Variants in GLI2 observed in about 807,000 individuals in gnomAD.
GLI2 encodes GLI family zinc finger 2, also known as transcription activator GLI2.
Under a neutral mutation model 78.9 loss-of-function variants are expected in GLI2, and 22 were observed. The ratio of observed to expected loss-of-function variants is 0.28; its 90% CI spans 0.20 to 0.40. The LOEUF (loss-of-function observed/expected upper bound fraction) is 0.40, where lower values mean the gene tolerates loss of function less well. GLI2 is among the 10% of genes least tolerant of loss of function. The pLI is 1.00. For missense variants in GLI2, 2,097 were observed against 2,213.2 expected (o/e 0.95, Z 1.05); for synonymous variants, 974 against 963.7 (o/e 1.01, Z -0.20).
intron 2 of GLI2, among the ~76,000 whole-genome samples, chr2:120,848,151 T>C (rs1687212651): frequency 6.6e-6 from 1 of 152,214 alleles, no homozygotes; most frequent in Non-Finnish European, 1.5e-5. Context: ...GAGCAAGCAC[T>C]TTGAATGCCT....
chr2:120,792,726 G>A (rs28637751), intron 1 of GLI2, among the ~76,000 whole-genome samples: 3,189 of 152,250 alleles, frequency 0.021, 88 homozygotes, highest in African/African-American at 0.069. Context: ...AGGTCCAAGC[G>A]ATTCCCCTGC....
At chr2:120,947,058 T>C (rs11890046) in intron 3 of GLI2, among the ~76,000 whole-genome samples, 20,115 of 152,204 alleles carry the variant, frequency 0.13, 4,273 homozygotes, top group African/African-American at 0.45. Context: ...TGTGATGACC[T>C]GGTAGGGGTG....
intron 2 of GLI2, among the ~76,000 whole-genome samples, chr2:120,830,137 G>T (rs1189286604): frequency 6.6e-6 from 1 of 152,222 alleles, no homozygotes; most frequent in Non-Finnish European, 1.5e-5. Context: ...AAGACCCTGG[G>T]CCCGCTCTGC....
At chr2:120,772,660 C>T (rs928171581) in intron 1 of GLI2, among the ~76,000 whole-genome samples, 1 of 152,248 alleles carries the variant, frequency 6.6e-6, no homozygotes, top group Non-Finnish European at 1.5e-5. Context: ...TGAATATCTT[C>T]TGCTGTGGAC....
rs114899129 is a variant in GLI2, at chr2:120,850,643, C to T, written c.148+53175C>T. On this transcript the variant is annotated intron_variant, in intron 2 of 13. Coordinates refer to ENST00000361492, the MANE Select transcript of GLI2 (RefSeq NM_001374353.1). ...CCCCAAGAAGGGAATGATAGCAAGG[C>T]CGGGGCTGTGCAGCTGCCCCCTCTC... 2.1e-3 allele frequency among the ~76,000 whole-genome samples: 326 copies of T among 152,306 alleles called. 1 individual carries two copies. The highest frequency in any genetic ancestry group is 7.6e-3 in the African/African-American group (317 of 41,568).
chr2:120,871,844 T>G (rs1303632796), intron 2 of GLI2, among the ~76,000 whole-genome samples: 12 of 152,328 alleles, frequency 7.9e-5, no homozygotes, highest in Non-Finnish European at 1.5e-5. Context: ...TCAATATTAT[T>G]GCAAATTAGG....
At position 120,984,488 on chromosome 2, in the gene GLI2, G is replaced by A. The variant is rs753790877; in HGVS notation, c.1650G>A (p.Lys550=). 5 of 1,614,040 alleles carry A rather than the reference G, an allele frequency of 3.1e-6. No homozygotes were observed. In the Admixed American group the frequency reaches 5.0e-5, roughly 16 times the overall value. ...CTCCCCAGAAACCCTACATCTGCAA[G>A]ATCCCAGGCTGCACCAAGAGATACA... ...THSNEKPYIC[K]IPGCTKRYTD... Residue 550 remains lysine (K), a synonymous_variant, in exon 12 of 14, where the codon AAG becomes AAA. Transcript: ENST00000361492.
intron 3 of GLI2, among the ~76,000 whole-genome samples, chr2:120,941,728 A>G (rs1680456536): frequency 6.6e-6 from 1 of 152,170 alleles, no homozygotes; most frequent in Admixed American, 6.5e-5. Flanking sequence ...TCCACTCTGG[A>G]GCTCCGTGGA....
At chr2:120,862,492 G>T (rs1573498144) in intron 2 of GLI2, among the ~76,000 whole-genome samples, 1 of 152,258 alleles carries the variant, frequency 6.6e-6, no homozygotes. Flanking sequence ...TTCCTTATCT[G>T]TAAAACATGC....
At position 120,737,145 on chromosome 2, in the gene GLI2, T is replaced by C. The variant is rs568735021; in HGVS notation, c.-31+860T>C. On this transcript the variant is annotated intron_variant, in intron 1 of 13. Coordinates refer to ENST00000361492, the MANE Select transcript of GLI2 (RefSeq NM_001374353.1). The surrounding 1 kb of genome is among the most constrained non-coding windows in gnomAD (Gnocchi z 4.3). ...AGGCGCGGAGAGAGTTGGGCGCCAA[T>C]CCTATTAAGGGTTTAGAGAGGGGAG... 9.5e-3 allele frequency among the ~76,000 whole-genome samples: 1,447 copies of C among 152,118 alleles called. 12 individuals are homozygous for C. The highest frequency in any genetic ancestry group is 0.014 in the Non-Finnish European group (973 of 67,966).
chr2:120,875,685 G>C (rs985239678), intron 2 of GLI2, among the ~76,000 whole-genome samples: 1 of 152,076 alleles, frequency 6.6e-6, no homozygotes, highest in Non-Finnish European at 1.5e-5. Context: ...AATTCTGGGC[G>C]GTCAGGCACG....
At chr2:120,925,379 C>T (rs927084204) in intron 2 of GLI2, among the ~76,000 whole-genome samples, 6 of 152,300 alleles carry the variant, frequency 3.9e-5, no homozygotes, top group Admixed American at 3.9e-4. Flanking sequence ...AGAAAAATTT[C>T]TTCCCATTAA....
At chr2:120,939,457 G>A (rs1280869143) in intron 3 of GLI2, among the ~76,000 whole-genome samples, 3 of 152,162 alleles carry the variant, frequency 2.0e-5, no homozygotes, top group African/African-American at 7.2e-5. Flanking sequence ...GGGATTCAGA[G>A]TTTATCACCC....
At chr2:120,764,713 A>G (rs1683316498) in intron 1 of GLI2, among the ~76,000 whole-genome samples, 1 of 152,252 alleles carries the variant, frequency 6.6e-6, no homozygotes, top group Admixed American at 6.5e-5. Flanking sequence ...TGGTTTTTCC[A>G]GATGTTAAAA....
At chr2:120,903,927 G>A (rs1189253148) in intron 2 of GLI2, among the ~76,000 whole-genome samples, 1 of 152,178 alleles carries the variant, frequency 6.6e-6, no homozygotes, top group Non-Finnish European at 1.5e-5. Context: ...AAGAAACTCA[G>A]GGGTTCATTG....
intron 2 of GLI2, among the ~76,000 whole-genome samples, chr2:120,841,885 G>GTA (rs1419474854): frequency 6.6e-6 from 1 of 151,782 alleles, no homozygotes; most frequent in East Asian, 1.9e-4. Flanking sequence ...GTGTGTGTGT[G>GTA]TGTGATGCTG....
chr2:120,891,538 T>C (rs1407266792), intron 2 of GLI2, among the ~76,000 whole-genome samples: 1 of 152,140 alleles, frequency 6.6e-6, no homozygotes, highest in Non-Finnish European at 1.5e-5. Context: ...CACAAATAGA[T>C]GAACGGGCGT....
intron 2 of GLI2, among the ~76,000 whole-genome samples, chr2:120,917,036 G>T (rs999580736): frequency 1.3e-5 from 2 of 152,156 alleles, no homozygotes; most frequent in Admixed American, 6.5e-5. Flanking sequence ...CTTGCTCCAT[G>T]GGATTTGTGA....
chr2:120,818,248 A>G (rs1044302565), intron 2 of GLI2, among the ~76,000 whole-genome samples: 5 of 152,198 alleles, frequency 3.3e-5, no homozygotes, highest in African/African-American at 1.2e-4. Flanking sequence ...TGGAGGGTGA[A>G]GTCTAACACC....
Sources: gnomAD v4.1 joint callset for allele counts (sites outside exome capture counted in the v4.1 genomes callset) on GRCh38, gnomAD v4.1.1 for gene constraint, Gnocchi (gnomAD v3.1) non-coding constraint, MANE v1.5 for transcripts, NCBI Gene and HGNC (gene_info 2026-07-23, HGNC 2026-07-21) for gene names.